Variants in OSBPL1A observed in about 807,000 individuals in gnomAD.
OSBPL1A encodes the protein oxysterol binding protein like 1A.
Under a neutral mutation model 137.1 loss-of-function variants are expected in OSBPL1A, and 80 were observed. The observed-to-expected ratio is 0.58, with a 90% CI of 0.49 to 0.70. The LOEUF is 0.70. Ranked by LOEUF, OSBPL1A falls within the 30% of genes least tolerant of loss-of-function variation. The pLI, the probability that OSBPL1A is intolerant of heterozygous loss-of-function variation, is 0.00. For missense variants in OSBPL1A, 970 were observed against 1,129.4 expected, an observed-to-expected ratio of 0.86 and a Z score of 2.02; for synonymous variants, 365 against 389.7, an observed-to-expected ratio of 0.94 and a Z score of 0.75.
chr18:24,271,997 A>AGGCCTGCGGCGGGCGGCTC lies in OSBPL1A; in HGVS notation c.1281+8826_1281+8844dup. Reference sequence around the variant, plus strand: ...GGGAGAGCGCGGGCGGGCGGCGGCAAGGCCTGCGGCGGGCGGCTCCCTGCG... The same window carrying AGGCCTGCGGCGGGCGGCTC: ...GGGAGAGCGCGGGCGGGCGGCGGCAAGGCCTGCGGCGGGCGGCTCGGCCTGCGGCGGGCGGCTCCCTGCG... On this transcript the variant is annotated intron_variant, in intron 15 of 27. Coordinates refer to ENST00000319481, the MANE Select transcript of OSBPL1A (RefSeq NM_080597.4). The surrounding 1 kb of genome is among the most constrained non-coding windows in gnomAD (Gnocchi z 4.0). 1 of 981,646 alleles carries AGGCCTGCGGCGGGCGGCTC rather than the reference A, an allele frequency of 1.0e-6. No individual in the cohort carries two copies. The highest frequency in any genetic ancestry group is 1.2e-6 in the Non-Finnish European group (1 of 828,594). 60.8% of individuals were successfully genotyped at this position (981,646 alleles called of 1,614,324 possible).
chr18:24,393,947 A>G (rs967224297), intron 1 of OSBPL1A, among the ~76,000 whole-genome samples: 6 of 152,356 alleles, frequency 3.9e-5, no homozygotes, highest in Admixed American at 6.5e-5. Flanking sequence ...GCAAATTATA[A>G]AGCCTATTTT....
At position 24,171,534 on chromosome 18, in the gene OSBPL1A, T is replaced by G. The variant is rs779180922; in HGVS notation, c.2202-36A>C. ...AATACTAAGTTCAGATTATCATTTA[T>G]TAGCAAAGCAGCAGTAGAGAAAAAT... On this transcript the variant is annotated intron_variant, in intron 22 of 27. Transcript: ENST00000319481. 6.7e-6 allele frequency: 10 copies of G among 1,494,718 alleles called. No individual in the cohort carries two copies. The South Asian group carries it at 1.2e-4, about 18-fold the overall frequency. 92.6% of individuals were successfully genotyped at this position (1,494,718 alleles called of 1,614,324 possible).
intron 2 of OSBPL1A, among the ~76,000 whole-genome samples, chr18:24,368,865 A>C (rs976627248): frequency 7.2e-5 from 11 of 152,072 alleles, no homozygotes; most frequent in African/African-American, 2.4e-4. Context: ...TGTGGTTTGG[A>C]TTTGTCCCCA....
chr18:24,385,200 C>T (rs930597805), intron 1 of OSBPL1A, among the ~76,000 whole-genome samples: 29 of 152,034 alleles, frequency 1.9e-4, no homozygotes, highest in Non-Finnish European at 2.4e-4. Flanking sequence ...ATGATCCGCC[C>T]GCCCCGGCCT....
At chr18:24,391,749 G>A (rs1466706686) in intron 1 of OSBPL1A, among the ~76,000 whole-genome samples, 2 of 151,718 alleles carry the variant, frequency 1.3e-5, no homozygotes, top group Non-Finnish European at 2.9e-5. Context: ...ACAAACAAAC[G>A]ACAACAACAA....
intron 2 of OSBPL1A, among the ~76,000 whole-genome samples, chr18:24,369,791 C>A (rs1029397945): frequency 1.2e-4 from 18 of 152,252 alleles, no homozygotes; most frequent in African/African-American, 3.4e-4. Flanking sequence ...GTCTCTTTCA[C>A]TGAACCTATC....
chr18:24,234,332 C>T (rs1436381291), intron 16 of OSBPL1A, among the ~76,000 whole-genome samples: 1 of 152,140 alleles, frequency 6.6e-6, no homozygotes, highest in Non-Finnish European at 1.5e-5. Context: ...ATTCCTTAAA[C>T]ACACCCACTC....
At chr18:24,378,323 T>C (rs1906343552) in intron 1 of OSBPL1A, among the ~76,000 whole-genome samples, 1 of 152,246 alleles carries the variant, frequency 6.6e-6, no homozygotes, top group Non-Finnish European at 1.5e-5. Flanking sequence ...ATAGCACTCC[T>C]GTAGACTGCT....
intron 2 of OSBPL1A, among the ~76,000 whole-genome samples, chr18:24,373,419 G>T (rs1905830695): frequency 6.6e-6 from 1 of 152,100 alleles, no homozygotes. Flanking sequence ...TTTACAAAAA[G>T]TATGTTATGC....
intron 1 of OSBPL1A, among the ~76,000 whole-genome samples, chr18:24,397,194 A>T: frequency 6.6e-6 from 1 of 152,330 alleles, no homozygotes; most frequent in Non-Finnish European, 1.5e-5. Context: ...ATATTCGTTC[A>T]TGCTTGTAGA....
chr18:24,333,981 T>A (rs1230660051), intron 6 of OSBPL1A, among the ~76,000 whole-genome samples: 7 of 152,190 alleles, frequency 4.6e-5, no homozygotes, highest in Admixed American at 1.3e-4. Flanking sequence ...AAAATCAGAT[T>A]CTTATCCATC....
In OSBPL1A at chr18:24,214,235, G is replaced by A. The variant is rs575632238; in HGVS notation, c.1601+10807C>T. On this transcript the variant is annotated intron_variant, in intron 17 of 27. Transcript: ENST00000319481. ...TGAAAAGTGAGAGTAGATCACGGTC[G>A]TTAGGACCTAAAGGAAACGGTCTGA... Among the ~76,000 whole-genome samples, 5 of 152,258 alleles carry A rather than the reference G, an allele frequency of 3.3e-5. No individual in the cohort carries two copies. In the South Asian group the frequency reaches 6.2e-4, roughly 19 times the overall value.
intron 17 of OSBPL1A, among the ~76,000 whole-genome samples, chr18:24,213,521 T>G (rs376722504): frequency 4.6e-5 from 7 of 152,130 alleles, no homozygotes; most frequent in Admixed American, 6.6e-5. Context: ...TGAGCCAAGA[T>G]TACACCACTG....
At chr18:24,293,293 G>C (rs1269639362) in intron 14 of OSBPL1A, among the ~76,000 whole-genome samples, 2 of 152,096 alleles carry the variant, frequency 1.3e-5, no homozygotes, top group Non-Finnish European at 2.9e-5. Flanking sequence ...AGCCCAGCAA[G>C]AGCTGGAGTC....
chr18:24,391,560 C>A (rs377064189), intron 1 of OSBPL1A, among the ~76,000 whole-genome samples: 538 of 123,054 alleles, frequency 4.4e-3, no homozygotes, highest in African/African-American at 5.1e-3. Context: ...CCAGTCTCTA[C>A]AAAAAAAAAA....
At chr18:24,370,779 C>T (rs957943129) in intron 2 of OSBPL1A, among the ~76,000 whole-genome samples, 7 of 152,162 alleles carry the variant, frequency 4.6e-5, no homozygotes, top group African/African-American at 1.7e-4. Flanking sequence ...GCAACTCTCC[C>T]ACCTCAGCCT....
chr18:24,356,571 G>C (rs2091539295), intron 4 of OSBPL1A, among the ~76,000 whole-genome samples: 1 of 152,122 alleles, frequency 6.6e-6, no homozygotes, highest in Non-Finnish European at 1.5e-5. Flanking sequence ...AATACACCTA[G>C]TGGTCATTCT....
chr18:24,349,166 C>T (rs936367489), intron 4 of OSBPL1A, among the ~76,000 whole-genome samples: 3 of 148,648 alleles, frequency 2.0e-5, no homozygotes, highest in African/African-American at 7.4e-5. Context: ...GACCCTGTCT[C>T]AAAGAAAAAA....
rs143854237 is a variant in OSBPL1A, at chr18:24,211,392, A to G, written c.1601+13650T>C. Among the ~76,000 whole-genome samples, 559 of 152,354 alleles carry G rather than the reference A, an allele frequency of 3.7e-3. 6 individuals are homozygous for G. The highest frequency in any genetic ancestry group is 0.013 in the African/African-American group (538 of 41,580). On this transcript the variant is annotated intron_variant, in intron 17 of 27. Coordinates refer to ENST00000319481, the MANE Select transcript of OSBPL1A (RefSeq NM_080597.4). ...ATTAAGAAAGGATAACTGGATTCTC[A>G]TAACTGTTTATGCATTCAATCTGCG... is the stretch of plus-strand genomic sequence containing the variant.
Sources: allele counts gnomAD v4.1 joint callset (sites outside exome capture counted in the v4.1 genomes callset), GRCh38; gene constraint gnomAD v4.1.1; non-coding constraint Gnocchi (gnomAD v3.1); transcripts MANE v1.5; gene names NCBI Gene and HGNC (gene_info 2026-07-23, HGNC 2026-07-21).